The following SPATA6L variants were observed in gnomAD, a reference collection of about 807,000 sequenced individuals.
SPATA6L encodes the protein spermatogenesis associated 6 like, also known as spermatogenesis associated 6-like protein.
In SPATA6L, 68 loss-of-function variants were observed where a neutral mutation model predicts 49.2. The observed-to-expected ratio is 1.38, with a 90% CI of 1.14 to 1.69. The LOEUF (loss-of-function observed/expected upper bound fraction) is 1.69. Among genes scored for constraint, SPATA6L ranks in the 40% most tolerant of loss-of-function variants. The pLI is 0.00. For synonymous variants in SPATA6L, 198 were observed against 165.7 expected (o/e 1.19, Z -1.50); for missense variants, 668 against 464.3 (o/e 1.44, Z -4.03).
At position 4,662,353 on chromosome 9, in the gene SPATA6L, C is replaced by T. The variant is rs1409544560; in HGVS notation, c.40-317G>A. 4.0e-6 allele frequency: 6 copies of T among 1,484,364 alleles called. No homozygotes were observed. In the East Asian group the frequency reaches 1.0e-4, roughly 25 times the overall value. 91.9% of individuals were successfully genotyped at this position (1,484,364 alleles called of 1,614,324 possible). A position where few individuals can be genotyped will look rare whatever the true frequency, so the allele number is the denominator to read the frequency against. On this transcript the variant is annotated intron_variant, in intron 1 of 11. Transcript: ENST00000682582. The surrounding 1 kb of genome is among the most constrained non-coding windows in gnomAD (Gnocchi z 4.9). ...GCCTCTGTTTGGTCCGGCCAGGTCCCGGGATCCGGGCCGCCAGCTGCGATG... is the reference window on the plus strand; with the variant it reads ...GCCTCTGTTTGGTCCGGCCAGGTCCTGGGATCCGGGCCGCCAGCTGCGATG...
intron 2 of SPATA6L, among the ~76,000 whole-genome samples, chr9:4,659,696 A>G (rs1041329111): frequency 3.9e-5 from 6 of 152,184 alleles, no homozygotes; most frequent in Non-Finnish European, 8.8e-5. Flanking sequence ...TTCATATGGA[A>G]CCAAAAAAGA....
At chr9:4,661,138 A>AT (rs1024852821) in intron 2 of SPATA6L, among the ~76,000 whole-genome samples, 14 of 152,266 alleles carry the variant, frequency 9.2e-5, no homozygotes, top group African/African-American at 2.6e-4. Flanking sequence ...TTAAAGTATA[A>AT]TTTTTTTAAA....
rs914834298 is a variant in SPATA6L, at chr9:4,662,259, C to G, written c.40-223G>C. On this transcript the variant is annotated intron_variant, in intron 1 of 11. Coordinates refer to ENST00000682582, the MANE Select transcript of SPATA6L (RefSeq NM_001353486.2). The surrounding 1 kb of genome is among the most constrained non-coding windows in gnomAD (Gnocchi z 4.9). ...CTCCACCAGGTGTCACAATCGCGCT[C>G]TCGCCGGCTCCTCTCCCCGCCCCTC... is the stretch of plus-strand genomic sequence containing the variant. 5.6e-6 allele frequency: 8 copies of G among 1,434,134 alleles called. No individual in the cohort carries two copies. In the Admixed American group the frequency reaches 1.4e-4, roughly 26 times the overall value. The allele number at this position is 1,434,134 out of a possible 1,614,324, so 88.8% of individuals were successfully genotyped here. A position where few individuals can be genotyped will look rare whatever the true frequency, so the allele number is the denominator to read the frequency against.
intron 9 of SPATA6L, among the ~76,000 whole-genome samples, chr9:4,612,300 A>G (rs879769749): frequency 6.6e-6 from 1 of 152,156 alleles, no homozygotes; most frequent in Non-Finnish European, 1.5e-5. Flanking sequence ...TCCTACCACC[A>G]GGACTTTATC....
chr9:4,663,252 A>T (rs72695803), intron 1 of SPATA6L: 3 of 1,612,976 alleles, frequency 1.9e-6, no homozygotes, highest in Non-Finnish European at 2.5e-6. Flanking sequence ...TTTACTGTGG[A>T]GTCAACGATG....
intron 3 of SPATA6L, among the ~76,000 whole-genome samples, chr9:4,647,495 G>T (rs1048141945): frequency 1.3e-5 from 2 of 152,170 alleles, no homozygotes; most frequent in Non-Finnish European, 2.9e-5. Flanking sequence ...GGGAGGCTGA[G>T]GCAGCAGAAT....
chr9:4,605,023 T>C (rs3739641), intron 10 of SPATA6L, among the ~76,000 whole-genome samples: 1 of 152,194 alleles, frequency 6.6e-6, no homozygotes, highest in East Asian at 1.9e-4. Flanking sequence ...AAAGGAATGC[T>C]CTGTGGGCCA....
intron 3 of SPATA6L, among the ~76,000 whole-genome samples, chr9:4,641,896 T>A (rs1478496454): frequency 1.3e-5 from 2 of 152,218 alleles, no homozygotes; most frequent in Non-Finnish European, 2.9e-5. Flanking sequence ...GCCTCCCAAG[T>A]AGCTGGGACT....
chr9:4,597,805 T>C (rs1340243532), downstream of SPATA6L, among the ~76,000 whole-genome samples: 1 of 152,082 alleles, frequency 6.6e-6, no homozygotes, highest in Non-Finnish European at 1.5e-5. Context: ...AAGACAGCAG[T>C]CCCATCCGGT....
intron 6 of SPATA6L, among the ~76,000 whole-genome samples, chr9:4,624,168 T>C (rs765387301): frequency 6.6e-6 from 1 of 152,226 alleles, no homozygotes; most frequent in African/African-American, 2.4e-5. Context: ...GAATAAGTCA[T>C]TAATTAGAAC....
At chr9:4,659,617 A>G (rs1391145741) in intron 2 of SPATA6L, among the ~76,000 whole-genome samples, 1 of 152,240 alleles carries the variant, frequency 6.6e-6, no homozygotes, top group African/African-American at 2.4e-5. Flanking sequence ...GGTAATTTAT[A>G]GACTCAATGC....
chr9:4,607,706 A>G (rs1440447531), intron 9 of SPATA6L, among the ~76,000 whole-genome samples: 2 of 152,330 alleles, frequency 1.3e-5, no homozygotes, highest in South Asian at 4.2e-4. Flanking sequence ...AAATGTAAAG[A>G]CCGTCGAGAC....
In SPATA6L at chr9:4,666,475, G is replaced by T. The variant is rs1017954309; in HGVS notation, c.-225C>A. ...GCAGGCTTCCAGAAGGCGGAAGCGT[G>T]GCGTTGCCAGGGACACTCAAACGCG... On this transcript the variant is annotated 5_prime_UTR_variant, in exon 1 of 12. Transcript: ENST00000682582. 1.8e-6 allele frequency: 1 copy of T among 570,004 alleles called. No homozygotes were observed. Among genetic ancestry groups the T allele is most frequent in the South Asian group, 2.1e-5 (1 of 47,626 alleles). 35.3% of individuals were successfully genotyped at this position (570,004 alleles called of 1,614,324 possible).
In SPATA6L at chr9:4,635,293, C is replaced by A. The variant is rs762239224; in HGVS notation, c.333G>T (p.Lys111Asn). 12 of 1,539,274 alleles carry A rather than the reference C, an allele frequency of 7.8e-6. No homozygotes were observed. In the African/African-American group the frequency reaches 1.6e-4, roughly 20 times the overall value. The change falls in exon 4 of 12, where the codon AAG becomes AAT. Residue 111 changes from lysine (K) to asparagine (N), a missense_variant. Transcript: ENST00000682582. ...HPRRCREVLM[K>N]TALGFPGIAP... ...CACTTACTGGAAAACCCAGAGCCGT[C>A]TTCATGAGCACCTCCCTACACCTCC... is the stretch of plus-strand genomic sequence containing the variant.
chr9:4,655,984 C>A, intron 3 of SPATA6L, 57 bp downstream of exon 3: 2 of 1,331,438 alleles, frequency 1.5e-6, no homozygotes, highest in Non-Finnish European at 1.1e-6. Flanking sequence ...AGTTTTGAAT[C>A]TGTGAATTAC....
At chr9:4,635,485 G>A in intron 3 of SPATA6L, 86 bp from the exon 4 acceptor site, 1 of 1,350,452 alleles carries the variant, frequency 7.4e-7, no homozygotes, top group Non-Finnish European at 9.9e-7. Flanking sequence ...TGATGGCAGA[G>A]ATGGCACTCA....
chr9:4,626,242 T>A (rs75027096), intron 5 of SPATA6L: 3 of 416,964 alleles, frequency 7.2e-6, no homozygotes, highest in Non-Finnish European at 1.1e-5. Flanking sequence ...GATTATAGCC[T>A]TTCCCCTATT....
At chr9:4,628,296 G>T (rs1310986320) in intron 5 of SPATA6L, 1 of 172,522 alleles carries the variant, frequency 5.8e-6, no homozygotes. Context: ...TGTTTTAGGT[G>T]ATGGATACAC....
At chr9:4,627,792 G>T (rs115339705) in intron 5 of SPATA6L, 2 of 1,289,250 alleles carry the variant, frequency 1.6e-6, no homozygotes, top group East Asian at 5.5e-5. Context: ...ATCAGCCTCA[G>T]CAAAAGAAAG....
Sources: allele counts gnomAD v4.1 joint callset (sites outside exome capture counted in the v4.1 genomes callset), GRCh38; gene constraint gnomAD v4.1.1; non-coding constraint Gnocchi (gnomAD v3.1); transcripts MANE v1.5; gene names NCBI Gene and HGNC (gene_info 2026-07-23, HGNC 2026-07-21).